Variants in GPR157 observed in about 807,000 individuals in gnomAD.
GPR157 encodes G protein-coupled receptor 157.
A neutral mutation model predicts 23.5 loss-of-function variants in GPR157; 16 were observed. That is an observed-to-expected ratio of 0.68 (90% CI 0.46 to 1.04). GPR157 has a LOEUF of 1.04. Among genes scored for constraint, GPR157 ranks in the 50% least tolerant of loss-of-function variants. GPR157 has a pLI of 0.00. For missense variants in GPR157, 440 were observed against 460.7 expected (o/e 0.96, Z 0.41); for synonymous variants, 200 against 221.5 (o/e 0.90, Z 0.86).
chr1:9,122,595 A>G (rs555650894), intron 1 of GPR157, among the ~76,000 whole-genome samples: 2 of 152,282 alleles, frequency 1.3e-5, no homozygotes, highest in South Asian at 4.1e-4. Flanking sequence ...CCAGGTAGAA[A>G]GCAATGAGAA....
intron 3 of GPR157, 70 bp from the exon 4 acceptor site, chr1:9,104,704 T>G: frequency 8.4e-7 from 1 of 1,191,722 alleles, no homozygotes; most frequent in Non-Finnish European, 1.2e-6. Flanking sequence ...CTGTTGCAAT[T>G]AAGAGAAACG....
chr1:9,111,080 C>A, intron 2 of GPR157, 196 bp downstream of exon 2: 1 of 640,458 alleles, frequency 1.6e-6, no homozygotes, highest in Non-Finnish European at 2.9e-6. Flanking sequence ...GCAGTGGGAA[C>A]CAATGCACGA....
At chr1:9,116,113 A>C (rs1638628079) in intron 1 of GPR157, among the ~76,000 whole-genome samples, 1 of 83,732 alleles carries the variant, frequency 1.2e-5, no homozygotes. Flanking sequence ...GTGGCTGGGA[A>C]CAGATGCACA....
intron 1 of GPR157, among the ~76,000 whole-genome samples, chr1:9,119,999 T>C (rs992518040): frequency 6.6e-6 from 1 of 151,858 alleles, no homozygotes; most frequent in Non-Finnish European, 1.5e-5. Context: ...TCCTTGGGAG[T>C]TCCCAGCGCT....
Position 9,111,428 on chromosome 1 carries a change from C to T in GPR157, c.445G>A (p.Ala149Thr), listed in dbSNP as rs373757030. 7.4e-6 allele frequency: 12 copies of T among 1,614,048 alleles called. No homozygotes were observed. Among genetic ancestry groups the T allele is most frequent in the South Asian group, 3.3e-5 (3 of 91,094 alleles). Residue 149 changes from alanine to threonine, a missense_variant, in exon 2 of 4, where the codon GCC becomes ACC. Transcript: ENST00000377411. ...CACCAGCCCACAGACACGTCCGAGG[C>T]GTCATAGCCAATCTTCTTCAGGGCG... The part of the protein sequence containing the change: ...AVALKKIGYD[A>T]SDVSVGWCWI...
At chr1:9,114,982 T>A (rs1268842406) in intron 1 of GPR157, among the ~76,000 whole-genome samples, 1 of 150,330 alleles carries the variant, frequency 6.7e-6, no homozygotes, top group Admixed American at 6.6e-5. Flanking sequence ...GGAGGGGTTG[T>A]TTGAACACAC....
At chr1:9,123,657 TTAAATATATATTTAATA>T (rs1349926617) in intron 1 of GPR157, among the ~76,000 whole-genome samples, 8 of 112,474 alleles carry the variant, frequency 7.1e-5, no homozygotes, top group African/African-American at 2.9e-4. Context: ...TAAATATATA[TTAAATATATATTTAATA>T]TTAAATATAT....
chr1:9,128,162 G>C lies in GPR157; in HGVS notation c.383+483C>G, dbSNP rs762808419. 2.4e-6 allele frequency: 1 copy of C among 423,950 alleles called. No individual in the cohort carries two copies. The highest frequency in any genetic ancestry group is 4.7e-6 in the Non-Finnish European group (1 of 213,260). The allele number at this position is 423,950 out of a possible 1,614,324, so 26.3% of individuals were successfully genotyped here. ...AGTCCTTTGTAAACTGTACAGCAGA[G>C]ACACGGCAGCTCGGGAGTGGCGGAG... On this transcript the variant is annotated intron_variant, in intron 1 of 3. Transcript: ENST00000377411. The surrounding 1 kb of genome is among the most constrained non-coding windows in gnomAD (Gnocchi z 6.3).
At chr1:9,116,340 T>A (rs7514443) in intron 1 of GPR157, among the ~76,000 whole-genome samples, 12,371 of 16,436 alleles carry the variant, frequency 0.75, 4,881 homozygotes, top group African/African-American at 0.82. Context: ...TATATATAAT[T>A]TATATATAAT....
rs779786956 is a variant in GPR157, at chr1:9,104,459, T to A, written c.968A>T (p.Gln323Leu). 2 of 1,613,286 alleles carry A rather than the reference T, an allele frequency of 1.2e-6. No individual in the cohort carries two copies. The highest frequency in any genetic ancestry group is 1.7e-6 in the Non-Finnish European group (2 of 1,179,854). Reference sequence around the variant, plus strand: ...TTCCCCTGGGGTCCCTTGGGATTCCTGAGATTCTCCTGGCTTGGAAGGCGC... The same window carrying A: ...TTCCCCTGGGGTCCCTTGGGATTCCAGAGATTCTCCTGGCTTGGAAGGCGC... ...APAPSKPGESQESQGTPGELP... is the reference protein window; with the variant it reads ...APAPSKPGESLESQGTPGELP... The change falls in exon 4 of 4, where the codon CAG (glutamine) becomes CTG (leucine). Residue 323 changes from glutamine (Q) to leucine (L), a missense_variant. Physicochemically the swap from Gln to Leu is moderately radical, Grantham distance 113 (BLOSUM62 -2). Transcript: ENST00000377411.
In GPR157 at chr1:9,105,914, G is replaced by A. The variant is rs571981881; in HGVS notation, c.598-234C>T. Among the ~76,000 whole-genome samples, 1 of 152,110 alleles carries A rather than the reference G, an allele frequency of 6.6e-6. No homozygotes were observed. The highest frequency in any genetic ancestry group is 6.5e-5 in the Admixed American group (1 of 15,294). ...CAGCTCACATCCAAGACAGAAGATG[G>A]ATCTTGACCCCTGAGGCCAATGCTC... On this transcript the variant is annotated intron_variant, in intron 2 of 3. Coordinates refer to ENST00000377411, the MANE Select transcript of GPR157 (RefSeq NM_024980.5). This position sits in a 1 kb window ranked among gnomAD's most constrained non-coding sequence, Gnocchi z 4.8.
chr1:9,123,761 TATATATATTTAATATTAA>T (rs1361615393), intron 1 of GPR157, among the ~76,000 whole-genome samples: 1 of 129,350 alleles, frequency 7.7e-6, no homozygotes, highest in Non-Finnish European at 1.6e-5. Context: ...TATTTAATAT[TATATATATTTAATATTAA>T]ATATATATTT....
chr1:9,123,694 ATATT>A (rs1337241772), intron 1 of GPR157, among the ~76,000 whole-genome samples: 2 of 116,752 alleles, frequency 1.7e-5, no homozygotes, highest in Non-Finnish European at 3.3e-5. Flanking sequence ...TATTTAATAT[ATATT>A]TAATTTTAAA....
chr1:9,111,024 C>G, intron 2 of GPR157: 1 of 549,040 alleles, frequency 1.8e-6, no homozygotes. Context: ...GGCTAAGCCT[C>G]GTTTCCTTAT....
At chr1:9,122,144 G>A (rs1459836609) in intron 1 of GPR157, among the ~76,000 whole-genome samples, 2 of 152,144 alleles carry the variant, frequency 1.3e-5, no homozygotes, top group East Asian at 3.8e-4. Context: ...CCCCTTATGT[G>A]GGAGGTGGGG....
At position 9,104,484 on chromosome 1, in the gene GPR157, C is replaced by A. The variant is rs554940128; in HGVS notation, c.943G>T (p.Ala315Ser). The A allele has an allele frequency of 4.3e-6, 7 of 1,613,386 alleles. No homozygotes were observed. The highest frequency in any genetic ancestry group is 5.9e-6 in the Non-Finnish European group (7 of 1,179,892). The change falls in exon 4 of 4, where the codon GCG becomes TCG. Residue 315 changes from alanine (A) to serine (S), a missense_variant. Ala to Ser is a moderately conservative substitution (Grantham distance 99). Coordinates refer to ENST00000377411, the MANE Select transcript of GPR157 (RefSeq NM_024980.5). ...TGAGATTCTCCTGGCTTGGAAGGCG[C>A]GGGAGCCTTGGGAGTGCCAGCCGGG... Reference protein sequence around the residue: ...KSPAGTPKAPAPSKPGESQES... With the variant: ...KSPAGTPKAPSPSKPGESQES...
chr1:9,111,014 G>A lies in GPR157; in HGVS notation c.597+262C>T, dbSNP rs190676215. Reference sequence around the variant, plus strand: ...CCTGTGCCCCCACAGGCCCTTAATCGGCTAAGCCTCGTTTCCTTATCTACA... The same window carrying A: ...CCTGTGCCCCCACAGGCCCTTAATCAGCTAAGCCTCGTTTCCTTATCTACA... On this transcript the variant is annotated intron_variant, in intron 2 of 3. Transcript: ENST00000377411. The A allele has an allele frequency of 2.1e-4, 108 of 523,430 alleles. 1 individual carries two copies. The Admixed American group carries it at 2.9e-3, about 14-fold the overall frequency. The allele number at this position is 523,430 out of a possible 1,614,324, so 32.4% of individuals were successfully genotyped here.
chr1:9,105,708 G>C lies in GPR157; in HGVS notation c.598-28C>G. Reference sequence around the variant, plus strand: ...GTGTGGGGACAGCGAGGGCAGACTTGAGTGGATAGGCACCCTCCCGCCACG... The same window carrying C: ...GTGTGGGGACAGCGAGGGCAGACTTCAGTGGATAGGCACCCTCCCGCCACG... On this transcript the variant is annotated intron_variant, in intron 2 of 3. Coordinates refer to ENST00000377411, the MANE Select transcript of GPR157 (RefSeq NM_024980.5). The surrounding 1 kb of genome is among the most constrained non-coding windows in gnomAD (Gnocchi z 4.8). 1 of 1,561,954 alleles carries C rather than the reference G, an allele frequency of 6.4e-7. No homozygotes were observed. The highest frequency in any genetic ancestry group is 1.3e-5 in the African/African-American group (1 of 74,352).
Position 9,105,472 on chromosome 1 carries a change from G to A in GPR157, c.792+14C>T. 1 of 1,540,144 alleles carries A rather than the reference G, an allele frequency of 6.5e-7. No individual in the cohort carries two copies. The highest frequency in any genetic ancestry group is 8.8e-7 in the Non-Finnish European group (1 of 1,138,470). ...GGGGGCAGGGACGACAAGGGCCAGG[G>A]AGGGCAGACCTACATGCAGAACCAC... On this transcript the variant is annotated intron_variant, in intron 3 of 3. Transcript: ENST00000377411. The surrounding 1 kb of genome is among the most constrained non-coding windows in gnomAD (Gnocchi z 4.8).
Sources: gnomAD v4.1 joint callset for allele counts (sites outside exome capture counted in the v4.1 genomes callset) on GRCh38, gnomAD v4.1.1 for gene constraint, Gnocchi (gnomAD v3.1) non-coding constraint, MANE v1.5 for transcripts, NCBI Gene and HGNC (gene_info 2026-07-23, HGNC 2026-07-21) for gene names.